ZNF420: variants seen among roughly 807,000 people sequenced by gnomAD.
The protein encoded by ZNF420 is ATM and p53-associated KZNF protein.
ZNF420 carries 31 observed loss-of-function variants against 44.7 expected under a neutral mutation model. The observed-to-expected ratio is 0.69, with a 90% confidence interval of 0.52 to 0.94. ZNF420 has a LOEUF of 0.94. Ranked by LOEUF, ZNF420 falls within the 40% of genes least tolerant of loss-of-function variation. The pLI is 0.00. For missense variants in ZNF420, 681 were observed against 827.9 expected (o/e 0.82, Z 2.18); for synonymous variants, 245 against 267.4 (o/e 0.92, Z 0.82).
intron 4 of ZNF420, among the ~76,000 whole-genome samples, chr19:37,126,813 T>A (rs947589707): frequency 5.9e-5 from 9 of 152,050 alleles, no homozygotes; most frequent in East Asian, 3.9e-4. Context: ...TAATTTTTTT[T>A]AAAATTCTAG....
At chr19:37,059,788 G>A (rs371114429) in intron 1 of ZNF420, among the ~76,000 whole-genome samples, 21 of 151,940 alleles carry the variant, frequency 1.4e-4, no homozygotes, top group African/African-American at 4.8e-4. Flanking sequence ...CTCTGTCTCT[G>A]TCTCTTTCTC....
chr19:37,127,932 A>G lies in ZNF420; in HGVS notation c.941A>G (p.Lys314Arg). 2 of 1,614,102 alleles carry G rather than the reference A, an allele frequency of 1.2e-6. No homozygotes were observed. The highest frequency in any genetic ancestry group is 1.7e-6 in the Non-Finnish European group (2 of 1,179,976). Residue 314 changes from lysine (K) to arginine (R), a missense_variant, in exon 5 of 5, where the codon AAA becomes AGA. Physicochemically the swap from Lys to Arg is conservative, Grantham distance 26 (BLOSUM62 2). Transcript: ENST00000337995. ...CCCTATGAATGTAAGGAATGTGGAA[A>G]AGCTTTTATTTGTGGCTCACAGCTT... ...EKPYECKECG[K>R]AFICGSQLSQ...
At chr19:37,122,870 T>C (rs369600929) in intron 4 of ZNF420, among the ~76,000 whole-genome samples, 1 of 152,212 alleles carries the variant, frequency 6.6e-6, no homozygotes, top group Non-Finnish European at 1.5e-5. Flanking sequence ...TTCAAACTTA[T>C]ATTTGTAATC....
chr19:37,122,310 A>G (rs1344120949), intron 4 of ZNF420, among the ~76,000 whole-genome samples: 2 of 151,670 alleles, frequency 1.3e-5, no homozygotes, highest in South Asian at 2.1e-4. Context: ...CATGTCCTTT[A>G]TAGGGACATG....
At chr19:37,031,063 C>T (rs1264419712) in intron 1 of ZNF420, among the ~76,000 whole-genome samples, 3 of 152,062 alleles carry the variant, frequency 2.0e-5, no homozygotes, top group African/African-American at 7.2e-5. Flanking sequence ...GCCATGTTGG[C>T]CAGGCTGGTC....
intron 4 of ZNF420, 105 bp downstream of exon 4, chr19:37,091,226 C>A: frequency 8.3e-7 from 1 of 1,206,404 alleles, no homozygotes; most frequent in South Asian, 1.9e-5. Context: ...ATTTCTTATT[C>A]TTTTCAAAGG....
At chr19:37,031,046 G>C (rs1012497861) in intron 1 of ZNF420, among the ~76,000 whole-genome samples, 1 of 152,090 alleles carries the variant, frequency 6.6e-6, no homozygotes, top group East Asian at 1.9e-4. Context: ...AGTAGAAACG[G>C]GGTTTTGCCA....
At chr19:37,063,737 C>A (rs1462576095) in intron 1 of ZNF420, among the ~76,000 whole-genome samples, 2 of 152,100 alleles carry the variant, frequency 1.3e-5, no homozygotes, top group African/African-American at 4.8e-5. Context: ...CTGCATATTT[C>A]CTACAAAAAG....
At chr19:37,083,718 A>C (rs1240455311) in intron 2 of ZNF420, among the ~76,000 whole-genome samples, 2 of 152,172 alleles carry the variant, frequency 1.3e-5, no homozygotes, top group African/African-American at 4.8e-5. Context: ...AGAGTATTCC[A>C]GGCTCATTTT....
At chr19:37,028,609 A>C (rs1358763894) in intron 1 of ZNF420, among the ~76,000 whole-genome samples, 1 of 152,158 alleles carries the variant, frequency 6.6e-6, no homozygotes, top group Non-Finnish European at 1.5e-5. Flanking sequence ...GATAGGCTAC[A>C]TCTGATTTTT....
chr19:37,081,662 A>C (rs1968466743), intron 2 of ZNF420, among the ~76,000 whole-genome samples: 1 of 149,816 alleles, frequency 6.7e-6, no homozygotes, highest in African/African-American at 2.5e-5. Context: ...AGTAGCTGGG[A>C]ATACAGGCGG....
intron 1 of ZNF420, among the ~76,000 whole-genome samples, chr19:37,035,810 T>G (rs1967344155): frequency 8.1e-6 from 1 of 123,802 alleles, no homozygotes; most frequent in Admixed American, 8.0e-5. Context: ...TAATAATTGT[T>G]AGCTATCATT....
At chr19:37,055,332 G>T (rs1240841983) in intron 1 of ZNF420, among the ~76,000 whole-genome samples, 3 of 152,082 alleles carry the variant, frequency 2.0e-5, no homozygotes, top group African/African-American at 7.2e-5. Context: ...GCTGCAGTGA[G>T]TTATGATCAC....
At chr19:37,102,115 C>T (rs138163426) in intron 4 of ZNF420, among the ~76,000 whole-genome samples, 392 of 152,062 alleles carry the variant, frequency 2.6e-3, no homozygotes, top group African/African-American at 8.7e-3. Context: ...GAGCCTGGAC[C>T]CCCTGAGGAT....
At chr19:37,100,480 AG>A (rs1246206924) in intron 4 of ZNF420, among the ~76,000 whole-genome samples, 1 of 152,174 alleles carries the variant, frequency 6.6e-6, no homozygotes, top group Admixed American at 6.6e-5. Context: ...TGGGAGGCTG[AG>A]GCAGGTGGAT....
intron 4 of ZNF420, among the ~76,000 whole-genome samples, chr19:37,111,339 T>C (rs557372824): frequency 6.6e-6 from 1 of 152,372 alleles, no homozygotes; most frequent in Admixed American, 6.5e-5. Flanking sequence ...AAATTTGACA[T>C]GGCATAAGTA....
intron 2 of ZNF420, among the ~76,000 whole-genome samples, chr19:37,088,218 TTGTC>T (rs759944750): frequency 4.1e-4 from 62 of 152,336 alleles, no homozygotes; most frequent in Admixed American, 6.5e-4. Context: ...TAACAAAAAA[TTGTC>T]TGTGATTTGC....
intron 1 of ZNF420, among the ~76,000 whole-genome samples, chr19:37,052,382 G>T (rs563133196): frequency 6.6e-6 from 1 of 151,988 alleles, no homozygotes; most frequent in East Asian, 1.9e-4. Context: ...ATATTGTTAT[G>T]GGTGAATTTG....
At chr19:37,081,091 C>A (rs1427146984) in intron 2 of ZNF420, among the ~76,000 whole-genome samples, 3 of 149,622 alleles carry the variant, frequency 2.0e-5, no homozygotes, top group Non-Finnish European at 3.0e-5. Context: ...ACTTTCCAAT[C>A]TTGTTTCATT....
Sources: allele counts gnomAD v4.1 joint callset (sites outside exome capture counted in the v4.1 genomes callset), GRCh38; gene constraint gnomAD v4.1.1; transcripts MANE v1.5; gene names NCBI Gene and HGNC (gene_info 2026-07-23, HGNC 2026-07-21).